Variants in PTPN23 observed in about 807,000 individuals in gnomAD.
PTPN23 encodes tyrosine-protein phosphatase non-receptor type 23.
In PTPN23, 72 loss-of-function variants were observed where a neutral mutation model predicts 156.3. The observed-to-expected ratio is 0.46, with a 90% CI of 0.38 to 0.56. The LOEUF is 0.56. PTPN23 is among the 20% of genes least tolerant of loss of function. The pLI is 0.00. For missense variants in PTPN23, 1,974 were observed against 2,171.5 expected (o/e 0.91, Z 1.81); for synonymous variants, 957 against 899.6 (o/e 1.06, Z -1.14).
chr3:47,404,948 A>G (rs1705087507), intron 3 of PTPN23, 57 bp from the exon 4 acceptor site: 1 of 1,608,412 alleles, frequency 6.2e-7, no homozygotes, highest in African/African-American at 1.3e-5. Flanking sequence ...CCCTTACCTA[A>G]TCTCAGGGCC....
At chr3:47,385,020 C>T (rs966553514) in intron 1 of PTPN23, among the ~76,000 whole-genome samples, 1 of 152,146 alleles carries the variant, frequency 6.6e-6, no homozygotes, top group African/African-American at 2.4e-5. Flanking sequence ...CCTCGGCCTC[C>T]CAAAGTGCTG....
intron 2 of PTPN23, among the ~76,000 whole-genome samples, chr3:47,399,488 G>A (rs1269612119): frequency 6.6e-6 from 1 of 152,182 alleles, no homozygotes; most frequent in Non-Finnish European, 1.5e-5. Context: ...GAAAACTAGT[G>A]AGATAATCTT....
rs1705096225 is a variant in PTPN23 at position 47,405,309 on chromosome 3, A to C, written c.364+228A>C. 8.6e-6 allele frequency: 5 copies of C among 584,082 alleles called. No individual in the cohort carries two copies. Among genetic ancestry groups the C allele is most frequent in the Non-Finnish European group, 1.5e-5 (5 of 326,270 alleles). 36.2% of individuals were successfully genotyped at this position (584,082 alleles called of 1,614,324 possible). On this transcript the variant is annotated intron_variant, in intron 4 of 24. Coordinates refer to ENST00000265562, the MANE Select transcript of PTPN23 (RefSeq NM_015466.4). The surrounding 1 kb of genome is among the most constrained non-coding windows in gnomAD (Gnocchi z 4.7). ...CTCTACTGGGCTGGCTGCCACACAG[A>C]GTTGCCACTGTGTGCTCTGTCTGGG... is the stretch of plus-strand genomic sequence containing the variant.
chr3:47,396,120 C>A (rs757738775), intron 1 of PTPN23, 23 bp from the exon 2 acceptor site: 1 of 1,602,740 alleles, frequency 6.2e-7, no homozygotes, highest in Non-Finnish European at 8.5e-7. Flanking sequence ...CTGCCACTGG[C>A]TTATGTTCTT....
intron 1 of PTPN23, among the ~76,000 whole-genome samples, chr3:47,393,906 AT>A (rs781175474): frequency 4.9e-3 from 680 of 138,840 alleles, no homozygotes; most frequent in Admixed American, 5.1e-3. Flanking sequence ...TACCCAGCTA[AT>A]TTTTTTTTTT....
chr3:47,389,002 T>C (rs893919268), intron 1 of PTPN23, among the ~76,000 whole-genome samples: 7 of 152,092 alleles, frequency 4.6e-5, no homozygotes, highest in Admixed American at 4.6e-4. Flanking sequence ...CTAACTATAT[T>C]TTTGTACTCA....
rs748368352 is a variant in PTPN23, at chr3:47,410,779, C to G, written c.2981C>G (p.Pro994Arg). ...CCCCAGGCCCCAGGACTCCTACCCC[C>G]ACAATCCCCCTACCCCTATGCCCCT... ...FPPQAPGLLP[P>R]QSPYPYAPQP... Residue 994 changes from proline to arginine, a missense_variant, in exon 20 of 25, where the codon CCA becomes CGA. Physicochemically the swap from Pro to Arg is moderately radical, Grantham distance 103. This residue lies in a region of PTPN23 where 731 missense variants were observed against 669.1 expected (regional missense o/e 1.09). Coordinates refer to ENST00000265562, the MANE Select transcript of PTPN23 (RefSeq NM_015466.4). 6.4e-6 allele frequency: 10 copies of G among 1,565,594 alleles called. No individual in the cohort carries two copies. The highest frequency in any genetic ancestry group is 8.7e-6 in the Non-Finnish European group (10 of 1,148,916).
intron 2 of PTPN23, among the ~76,000 whole-genome samples, chr3:47,402,217 A>C (rs1362607092): frequency 6.6e-6 from 1 of 152,244 alleles, no homozygotes; most frequent in African/African-American, 2.4e-5. Flanking sequence ...ATATAAATAC[A>C]TAAACAATAT....
At chr3:47,404,162 C>T (rs540016149) in intron 2 of PTPN23, among the ~76,000 whole-genome samples, 2 of 152,318 alleles carry the variant, frequency 1.3e-5, no homozygotes, top group African/African-American at 4.8e-5. Flanking sequence ...GGGCTGGGCA[C>T]AGTGGCTCAT....
Position 47,407,761 on chromosome 3 carries a change from C to T in PTPN23, c.1068C>T (p.Ile356=). 1.6e-5 allele frequency: 26 copies of T among 1,614,158 alleles called. No homozygotes were observed. The highest frequency in any genetic ancestry group is 2.2e-5 in the Non-Finnish European group (26 of 1,180,026). Residue 356 remains isoleucine (I), a synonymous_variant, in exon 13 of 25, where the codon ATC becomes ATT. Coordinates refer to ENST00000265562, the MANE Select transcript of PTPN23 (RefSeq NM_015466.4). This position sits in a 1 kb window ranked among gnomAD's most constrained non-coding sequence, Gnocchi z 4.0. The part of the protein sequence containing the change: ...PTDPAVTGPD[I]FAKLVPMAAH... Reference sequence around the variant, plus strand: ...ACCCAGCTGTTACAGGCCCTGACATCTTTGCCAAACTGGTACCCATGGCTG... The same window carrying T: ...ACCCAGCTGTTACAGGCCCTGACATTTTTGCCAAACTGGTACCCATGGCTG...
At chr3:47,408,732 G>C in intron 15 of PTPN23, 44 bp from the exon 16 acceptor site, 1 of 1,548,534 alleles carries the variant, frequency 6.5e-7, no homozygotes, top group Non-Finnish European at 8.7e-7. Flanking sequence ...ATGGGTGCCC[G>C]GTCAGCCTGC....
intron 3 of PTPN23, 102 bp from the exon 4 acceptor site, chr3:47,404,903 G>A (rs992769987): frequency 2.5e-6 from 4 of 1,585,296 alleles, no homozygotes; most frequent in South Asian, 1.1e-5. Context: ...GGTCCCCCCA[G>A]GCCTCCCCAC....
In PTPN23 at chr3:47,411,156, C is replaced by G; in HGVS notation, c.3358C>G (p.Leu1120Val). The part of the protein sequence containing the change: ...LRRGAAAADL[L>V]SSSPESQHGG... ...CCGAGGCGCCGCAGCTGCAGACCTG[C>G]TCTCCTCCAGCCCGGAGAGCCAGCA... The change falls in exon 20 of 25, where the codon CTC becomes GTC. Residue 1120 changes from leucine (L) to valine (V), a missense_variant. Leu to Val is a conservative substitution (Grantham distance 32). This residue lies in a region of PTPN23 where 731 missense variants were observed against 669.1 expected (regional missense o/e 1.09). Transcript: ENST00000265562. This position sits in a 1 kb window ranked among gnomAD's most constrained non-coding sequence, Gnocchi z 6.3. 1 of 1,602,122 alleles carries G rather than the reference C, an allele frequency of 6.2e-7. No individual in the cohort carries two copies. The highest frequency in any genetic ancestry group is 8.5e-7 in the Non-Finnish European group (1 of 1,176,054).
At chr3:47,399,767 G>T (rs1219651804) in intron 2 of PTPN23, among the ~76,000 whole-genome samples, 1 of 152,142 alleles carries the variant, frequency 6.6e-6, no homozygotes, top group Non-Finnish European at 1.5e-5. Context: ...CCCTTCCTGG[G>T]ACTTGGTTTA....
chr3:47,390,214 G>A (rs140951605), intron 1 of PTPN23, among the ~76,000 whole-genome samples: 32 of 152,192 alleles, frequency 2.1e-4, no homozygotes, highest in African/African-American at 7.2e-4. Flanking sequence ...CAGCCTGCCT[G>A]ACAGAGCAAG....
Position 47,406,661 on chromosome 3 carries a change from C to A in PTPN23, c.760-42C>A. 6.2e-7 allele frequency: 1 copy of A among 1,613,946 alleles called. No individual in the cohort carries two copies. Among genetic ancestry groups the A allele is most frequent in the Non-Finnish European group, 8.5e-7 (1 of 1,179,962 alleles). On this transcript the variant is annotated intron_variant, in intron 8 of 24. Transcript: ENST00000265562. The surrounding 1 kb of genome is among the most constrained non-coding windows in gnomAD (Gnocchi z 5.8). ...GGGGCAGGGCGGGGCTGAGTGGCCA[C>A]AGCTCAGGAAGCAAGTCGTGGCGTC...
At position 47,407,491 on chromosome 3, in the gene PTPN23, C is replaced by A; in HGVS notation, c.924-14C>A. On this transcript the variant is annotated splice_polypyrimidine_tract_variant and intron_variant, in intron 11 of 24. Coordinates refer to ENST00000265562, the MANE Select transcript of PTPN23 (RefSeq NM_015466.4). The surrounding 1 kb of genome is among the most constrained non-coding windows in gnomAD (Gnocchi z 4.0). Reference sequence around the variant, plus strand: ...ACCCCGTGACTGCCCACTCCCCCTGCTCCTGATCCCCAGGTACAATTCTGC... The same window carrying A: ...ACCCCGTGACTGCCCACTCCCCCTGATCCTGATCCCCAGGTACAATTCTGC... 1 of 1,613,336 alleles carries A rather than the reference C, an allele frequency of 6.2e-7. No homozygotes were observed. Among genetic ancestry groups the A allele is most frequent in the Non-Finnish European group, 8.5e-7 (1 of 1,179,344 alleles).
intron 2 of PTPN23, among the ~76,000 whole-genome samples, chr3:47,396,754 GTC>G (rs1225792779): frequency 7.2e-5 from 11 of 152,052 alleles, no homozygotes; most frequent in Non-Finnish European, 8.8e-5. Flanking sequence ...GTGAGGCCCT[GTC>G]TCTATAGAAA....
rs1278869244 is a variant in PTPN23 at position 47,405,118 on chromosome 3, C to T, written c.364+37C>T. 6.3e-7 allele frequency: 1 copy of T among 1,589,388 alleles called. No individual in the cohort carries two copies. The highest frequency in any genetic ancestry group is 8.6e-7 in the Non-Finnish European group (1 of 1,157,678). ...GATCCCTTCCCCCGGCCCTACTCCCCAGTCCTGCCAGCCTAGCTTTCAGCT... is the reference window on the plus strand; with the variant it reads ...GATCCCTTCCCCCGGCCCTACTCCCTAGTCCTGCCAGCCTAGCTTTCAGCT... On this transcript the variant is annotated intron_variant, in intron 4 of 24. Coordinates refer to ENST00000265562, the MANE Select transcript of PTPN23 (RefSeq NM_015466.4). The surrounding 1 kb of genome is among the most constrained non-coding windows in gnomAD (Gnocchi z 4.7).
Sources: gnomAD v4.1 joint callset for allele counts (sites outside exome capture counted in the v4.1 genomes callset) on GRCh38, gnomAD v4.1.1 for gene constraint, gnomAD v4.1.1 regional missense constraint, Gnocchi (gnomAD v3.1) non-coding constraint, MANE v1.5 for transcripts, NCBI Gene and HGNC (gene_info 2026-07-23, HGNC 2026-07-21) for gene names.